The following POU6F2 variants were observed in gnomAD, a reference collection of about 807,000 sequenced individuals.
POU6F2 encodes POU domain, class 6, transcription factor 2.
In POU6F2, 31 loss-of-function variants were observed where a neutral mutation model predicts 71.3. The observed-to-expected ratio is 0.43, with a 90% CI of 0.33 to 0.59. The LOEUF is 0.59. Among genes scored for constraint, POU6F2 ranks in the 20% least tolerant of loss-of-function variants. The probability of loss-of-function intolerance (pLI) is 0.04; values close to 1 mark genes in which losing one functional copy is unlikely to be tolerated. For missense variants in POU6F2, 783 were observed against 856.8 expected, an observed-to-expected ratio of 0.91 and a Z score of 1.07; for synonymous variants, 347 against 355.7, an observed-to-expected ratio of 0.98 and a Z score of 0.27.
intron 1 of POU6F2, among the ~76,000 whole-genome samples, chr7:38,979,758 G>C (rs901202276): frequency 1.3e-5 from 2 of 152,034 alleles, no homozygotes; most frequent in Non-Finnish European, 2.9e-5. Flanking sequence ...ACTTTTCTTA[G>C]GTTGCAGGTC....
rs573871795 is a variant in POU6F2, at chr7:39,316,283, T to C, written c.599-23359T>C. Among the ~76,000 whole-genome samples the C allele has an allele frequency of 2.5e-3, 381 of 152,298 alleles. 2 individuals are homozygous for C. The highest frequency in any genetic ancestry group is 8.7e-3 in the African/African-American group (361 of 41,568). On this transcript the variant is annotated intron_variant, in intron 4 of 9. Coordinates refer to ENST00000518318, the MANE Select transcript of POU6F2 (RefSeq NM_001370959.1). ...GAATTTATTTTGCTTCCAGGGAGCCTCTGAACACTGGCAGGGACTTAGTGT... is the reference window on the plus strand; with the variant it reads ...GAATTTATTTTGCTTCCAGGGAGCCCCTGAACACTGGCAGGGACTTAGTGT...
rs11407203 is a variant in POU6F2, at chr7:39,059,503, T to TAA, written c.106-26343_106-26342dup. On this transcript the variant is annotated intron_variant, in intron 1 of 9. Transcript: ENST00000518318. ...TCATACCCACTAAGATGTCTGTAAT[T>TAA]AAAAAAAAAAAAAAAGGAAAATAAC... Among the ~76,000 whole-genome samples, 1,048 of 138,098 alleles carry TAA rather than the reference T, an allele frequency of 7.6e-3. 11 individuals are homozygous for TAA. The highest frequency in any genetic ancestry group is 0.025 in the African/African-American group (921 of 37,494). The allele number at this position is 138,098 out of a possible 152,430, so 90.6% of individuals were successfully genotyped here.
chr7:39,127,997 C>T (rs2128728893), intron 2 of POU6F2, among the ~76,000 whole-genome samples: 1 of 151,910 alleles, frequency 6.6e-6, no homozygotes, highest in East Asian at 1.9e-4. Context: ...TGCCCACCAC[C>T]ACGCCCGGCT....
intron 4 of POU6F2, among the ~76,000 whole-genome samples, chr7:39,249,934 T>C (rs943157448): frequency 6.6e-6 from 1 of 152,160 alleles, no homozygotes; most frequent in African/African-American, 2.4e-5. Context: ...AGACTCTCCT[T>C]TGGTCAGATG....
At chr7:39,314,780 C>A (rs1351305690) in intron 4 of POU6F2, among the ~76,000 whole-genome samples, 1 of 152,010 alleles carries the variant, frequency 6.6e-6, no homozygotes, top group East Asian at 1.9e-4. Flanking sequence ...TTAAAGAGAT[C>A]TAAAGCGCTG....
intron 2 of POU6F2, among the ~76,000 whole-genome samples, chr7:39,137,501 C>T (rs868578315): frequency 1.5e-4 from 23 of 152,156 alleles, no homozygotes; most frequent in African/African-American, 4.8e-4. Flanking sequence ...TCAATATACA[C>T]ACATGAAATA....
At chr7:39,448,491 T>C (rs1562556671) in intron 7 of POU6F2, among the ~76,000 whole-genome samples, 1 of 152,206 alleles carries the variant, frequency 6.6e-6, no homozygotes, top group South Asian at 2.1e-4. Flanking sequence ...AAGAAAAATA[T>C]CTTTCTTAGA....
rs200390604 is a variant in POU6F2 at position 39,015,353 on chromosome 7, TATATATTATATA to T, written c.105+37305_105+37316del. Among the ~76,000 whole-genome samples the T allele has an allele frequency of 8.3e-3, 1,119 of 134,152 alleles. 12 individuals carry two copies. Among genetic ancestry groups the T allele is most frequent in the African/African-American group, 0.03 (1,068 of 36,116 alleles). The allele number at this position is 134,152 out of a possible 152,430, so 88.0% of individuals were successfully genotyped here. A position where few individuals can be genotyped will look rare whatever the true frequency, so the allele number is the denominator to read the frequency against. On this transcript the variant is annotated intron_variant, in intron 1 of 9. Coordinates refer to ENST00000518318, the MANE Select transcript of POU6F2 (RefSeq NM_001370959.1). Reference sequence around the variant, plus strand: ...ATATATTATAATATATAATAATAGATATATATTATATAATATATTATGTATAATATATAATAG... The same window carrying T: ...ATATATTATAATATATAATAATAGATATATATTATGTATAATATATAATAG...
At chr7:39,299,580 C>T (rs1406461929) in intron 4 of POU6F2, among the ~76,000 whole-genome samples, 4 of 152,160 alleles carry the variant, frequency 2.6e-5, no homozygotes, top group African/African-American at 9.7e-5. Flanking sequence ...TAATGAGGGG[C>T]TTGAGTTGTT....
At chr7:39,238,818 C>T (rs1030143719) in intron 4 of POU6F2, among the ~76,000 whole-genome samples, 5 of 152,128 alleles carry the variant, frequency 3.3e-5, no homozygotes, top group Middle Eastern at 3.2e-3. Flanking sequence ...TGGGTGAATA[C>T]GTTGTGGTGT....
intron 1 of POU6F2, among the ~76,000 whole-genome samples, chr7:38,978,450 A>G (rs1299384686): frequency 2.6e-5 from 4 of 152,168 alleles, no homozygotes; most frequent in African/African-American, 4.8e-5. Context: ...ATGCTGTTCA[A>G]TATTTTTATT....
At chr7:39,374,129 T>A (rs1786664556) in intron 5 of POU6F2, among the ~76,000 whole-genome samples, 2 of 152,204 alleles carry the variant, frequency 1.3e-5, no homozygotes, top group South Asian at 4.1e-4. Flanking sequence ...TCGCATTAGA[T>A]TTGTTCAACT....
At chr7:39,073,537 G>A (rs1203800272) in intron 1 of POU6F2, among the ~76,000 whole-genome samples, 2 of 152,146 alleles carry the variant, frequency 1.3e-5, no homozygotes, top group Non-Finnish European at 2.9e-5. Context: ...AAGCTCAGAA[G>A]CCTTTTGAAT....
At chr7:39,296,761 G>A (rs1583505027) in intron 4 of POU6F2, among the ~76,000 whole-genome samples, 1 of 152,198 alleles carries the variant, frequency 6.6e-6, no homozygotes, top group South Asian at 2.1e-4. Flanking sequence ...AGCTTAACGT[G>A]TTTTCCCCTC....
intron 1 of POU6F2, among the ~76,000 whole-genome samples, chr7:39,003,695 GC>G (rs1015657767): frequency 3.3e-4 from 50 of 151,656 alleles, no homozygotes; most frequent in African/African-American, 1.2e-3. Flanking sequence ...CTTGCAGTGA[GC>G]CAAGATCGCG....
intron 1 of POU6F2, among the ~76,000 whole-genome samples, chr7:39,067,331 T>C (rs1790777469): frequency 6.6e-6 from 1 of 151,784 alleles, no homozygotes. Flanking sequence ...TAATAGGAAA[T>C]TTAAAAATGG....
intron 2 of POU6F2, among the ~76,000 whole-genome samples, chr7:39,164,282 C>T (rs1022618068): frequency 2.7e-5 from 4 of 149,766 alleles, no homozygotes; most frequent in Admixed American, 6.6e-5. Flanking sequence ...TTTTTTTTAC[C>T]GTCTTTTCCT....
At chr7:39,118,387 A>G (rs530064864) in intron 2 of POU6F2, among the ~76,000 whole-genome samples, 76 of 152,272 alleles carry the variant, frequency 5.0e-4, no homozygotes, top group Non-Finnish European at 8.8e-4. Context: ...AAATAGAAGC[A>G]ATGTATACAG....
At chr7:39,105,432 A>G (rs1418320679) in intron 2 of POU6F2, among the ~76,000 whole-genome samples, 2 of 134,276 alleles carry the variant, frequency 1.5e-5, no homozygotes, top group Non-Finnish European at 3.2e-5. Flanking sequence ...TTTTAACCTC[A>G]GGTTTTTTTT....
Sources: allele counts gnomAD v4.1 joint callset (sites outside exome capture counted in the v4.1 genomes callset), GRCh38; gene constraint gnomAD v4.1.1; transcripts MANE v1.5; gene names NCBI Gene and HGNC (gene_info 2026-07-23, HGNC 2026-07-21).